Variants in AGBL4 observed in about 807,000 individuals in gnomAD.
The protein encoded by AGBL4 is AGBL carboxypeptidase 4, also known as cytosolic carboxypeptidase 6.
In AGBL4, 58 loss-of-function variants were observed where a neutral mutation model predicts 66.4. That is an observed-to-expected ratio of 0.87 (90% confidence interval 0.71 to 1.09). AGBL4 has a LOEUF of 1.09. Among genes scored for constraint, AGBL4 ranks in the 50% least tolerant of loss-of-function variants. The probability of loss-of-function intolerance (pLI) is 0.00; values close to 1 mark genes in which losing one functional copy is unlikely to be tolerated. For missense variants in AGBL4, 579 were observed against 631.0 expected, an observed-to-expected ratio of 0.92 and a Z score of 0.88; for synonymous variants, 234 against 222.9, an observed-to-expected ratio of 1.05 and a Z score of -0.44.
At chr1:49,100,161 T>C (rs1312180778) in intron 4 of AGBL4, among the ~76,000 whole-genome samples, 1 of 151,862 alleles carries the variant, frequency 6.6e-6, no homozygotes, top group Non-Finnish European at 1.5e-5. Context: ...GAAGTAGGAG[T>C]TGATGAAGGA....
chr1:49,025,875 T>A (rs1205779294), intron 5 of AGBL4, among the ~76,000 whole-genome samples: 1 of 152,186 alleles, frequency 6.6e-6, no homozygotes, highest in African/African-American at 2.4e-5. Context: ...CTAGACTGAT[T>A]AATAAAATCT....
chr1:48,923,843 C>T (rs746819563), intron 5 of AGBL4, among the ~76,000 whole-genome samples: 2 of 152,124 alleles, frequency 1.3e-5, no homozygotes, highest in Non-Finnish European at 2.9e-5. Context: ...AAGAGAAGTC[C>T]TCTTAAAACA....
intron 6 of AGBL4, among the ~76,000 whole-genome samples, chr1:48,762,614 TTGTGTGTGTGTGTG>T (rs58396843): frequency 1.0e-3 from 77 of 75,172 alleles, no homozygotes; most frequent in Non-Finnish European, 1.9e-3. Flanking sequence ...TTTAAGGGTT[TTGTGTGTGTGTGTG>T]TGTGTGTGTG....
intron 4 of AGBL4, among the ~76,000 whole-genome samples, chr1:49,194,367 A>G (rs192278754): frequency 6.6e-6 from 1 of 150,946 alleles, no homozygotes; most frequent in East Asian, 1.9e-4. Context: ...TTTACATAGA[A>G]TATGTTTTTC....
chr1:49,649,597 T>C (rs955531030), intron 3 of AGBL4, among the ~76,000 whole-genome samples: 2 of 152,040 alleles, frequency 1.3e-5, no homozygotes, highest in Non-Finnish European at 2.9e-5. Context: ...AGTTTTTAGC[T>C]CAACAATCAA....
At chr1:49,328,493 G>A (rs1645268497) in intron 3 of AGBL4, among the ~76,000 whole-genome samples, 1 of 151,980 alleles carries the variant, frequency 6.6e-6, no homozygotes, top group Admixed American at 6.6e-5. Context: ...TTATTAATGG[G>A]GTCTAGTCCT....
intron 1 of AGBL4, among the ~76,000 whole-genome samples, chr1:49,953,688 A>G (rs1319329011): frequency 6.6e-6 from 1 of 151,846 alleles, no homozygotes; most frequent in Non-Finnish European, 1.5e-5. Context: ...CTCAACTGGT[A>G]TAATTCCAAA....
intron 1 of AGBL4, among the ~76,000 whole-genome samples, chr1:49,932,968 A>C (rs1183325141): frequency 6.6e-6 from 1 of 152,170 alleles, no homozygotes; most frequent in East Asian, 1.9e-4. Context: ...ATGCCAAAGA[A>C]GACGAGAGAC....
chr1:49,877,027 G>A (rs894445241), intron 1 of AGBL4, among the ~76,000 whole-genome samples: 1 of 151,880 alleles, frequency 6.6e-6, no homozygotes, highest in African/African-American at 2.4e-5. Flanking sequence ...AGACTTTGCT[G>A]AAGTTGATTA....
chr1:49,865,134 G>A (rs1646670149), intron 1 of AGBL4, among the ~76,000 whole-genome samples: 1 of 152,100 alleles, frequency 6.6e-6, no homozygotes, highest in Non-Finnish European at 1.5e-5. Flanking sequence ...TAAGGAGAGG[G>A]GCAACCACAA....
At chr1:49,900,091 A>T (rs1649624423) in intron 1 of AGBL4, among the ~76,000 whole-genome samples, 1 of 152,142 alleles carries the variant, frequency 6.6e-6, no homozygotes, top group Non-Finnish European at 1.5e-5. Context: ...GGTTGAAGAA[A>T]TAACCAACAA....
At chr1:49,006,265 G>A (rs1023398305) in intron 5 of AGBL4, among the ~76,000 whole-genome samples, 10 of 151,818 alleles carry the variant, frequency 6.6e-5, no homozygotes, top group East Asian at 1.9e-4. Context: ...AAGGGGTGAT[G>A]AAGGGCACCT....
chr1:48,941,694 T>A (rs1655988423), intron 5 of AGBL4, among the ~76,000 whole-genome samples: 1 of 152,188 alleles, frequency 6.6e-6, no homozygotes. Flanking sequence ...GTGACCTCAG[T>A]GATATTAACA....
At chr1:49,446,625 T>C (rs1016337301) in intron 3 of AGBL4, among the ~76,000 whole-genome samples, 6 of 152,160 alleles carry the variant, frequency 3.9e-5, no homozygotes, top group African/African-American at 1.4e-4. Flanking sequence ...GGGTGGTGTA[T>C]GCTGGCATTT....
At chr1:48,789,538 C>T (rs886304250) in intron 6 of AGBL4, among the ~76,000 whole-genome samples, 4 of 152,110 alleles carry the variant, frequency 2.6e-5, no homozygotes, top group Non-Finnish European at 5.9e-5. Flanking sequence ...ATCCTACCAC[C>T]TTGGCCTCCC....
chr1:48,782,494 C>T (rs745751031), intron 6 of AGBL4, among the ~76,000 whole-genome samples: 5 of 152,154 alleles, frequency 3.3e-5, no homozygotes, highest in African/African-American at 4.8e-5. Context: ...GCAATTGGAG[C>T]GTGCCTTTTC....
intron 4 of AGBL4, among the ~76,000 whole-genome samples, chr1:49,131,653 T>G (rs1645898186): frequency 6.6e-6 from 1 of 151,880 alleles, no homozygotes; most frequent in Non-Finnish European, 1.5e-5. Flanking sequence ...AGAGAAAGAA[T>G]GGAATGTTTA....
At chr1:49,392,775 C>T (rs2148595285) in intron 3 of AGBL4, among the ~76,000 whole-genome samples, 1 of 151,860 alleles carries the variant, frequency 6.6e-6, no homozygotes, top group South Asian at 2.1e-4. Flanking sequence ...AAGAAATTTA[C>T]CAGCATGTTA....
At position 48,842,776 on chromosome 1, in the gene AGBL4, A is replaced by G. The variant is rs192816935; in HGVS notation, c.634+24415T>C. On this transcript the variant is annotated intron_variant, in intron 6 of 13. Coordinates refer to ENST00000371839, the MANE Select transcript of AGBL4 (RefSeq NM_032785.4). ...AAGGGTAGAAACAACATAAATTTCCATCGAGGGATGAATAGATAAGCAAAA... is the reference window on the plus strand; with the variant it reads ...AAGGGTAGAAACAACATAAATTTCCGTCGAGGGATGAATAGATAAGCAAAA... 3.1e-3 allele frequency among the ~76,000 whole-genome samples: 475 copies of G among 152,332 alleles called. 3 individuals are homozygous for G. Among genetic ancestry groups the G allele is most frequent in the African/African-American group, 0.01 (423 of 41,586 alleles).
Sources: gnomAD v4.1 joint callset for allele counts (sites outside exome capture counted in the v4.1 genomes callset) on GRCh38, gnomAD v4.1.1 for gene constraint, MANE v1.5 for transcripts, NCBI Gene and HGNC (gene_info 2026-07-23, HGNC 2026-07-21) for gene names.